Variants in DDX41 observed in about 807,000 individuals in gnomAD.
DDX41 encodes the protein DEAD-box helicase 41, also known as probable ATP-dependent RNA helicase DDX41.
A neutral mutation model predicts 78.8 loss-of-function variants in DDX41; 50 were observed. That is an observed-to-expected ratio of 0.63 (90% CI 0.51 to 0.80). The LOEUF is 0.80. DDX41 is among the 30% of genes least tolerant of loss of function. The probability of loss-of-function intolerance (pLI) is 0.00; values close to 1 mark genes in which losing one functional copy is unlikely to be tolerated. For synonymous variants in DDX41, 381 were observed against 321.5 expected, an observed-to-expected ratio of 1.19 and a Z score of -1.98; for missense variants, 633 against 849.2, an observed-to-expected ratio of 0.75 and a Z score of 3.16.
intron 6 of DDX41, 132 bp downstream of exon 6, chr5:177,515,553 C>G: frequency 1.7e-6 from 2 of 1,172,094 alleles, no homozygotes; most frequent in African/African-American, 1.5e-5. Context: ...CCTAAAGAAA[C>G]TCCTCCTCAA....
In DDX41 at chr5:177,513,712, G is replaced by A. The variant is rs1163798894; in HGVS notation, c.1071C>T (p.Asp357=). 1.9e-6 allele frequency: 3 copies of A among 1,613,514 alleles called. No individual in the cohort carries two copies. Among genetic ancestry groups the A allele is most frequent in the African/African-American group, 1.3e-5 (1 of 74,924 alleles). Residue 357 remains aspartate, a synonymous_variant, in exon 10 of 17, where the codon GAC becomes GAT. Coordinates refer to ENST00000330503, the MANE Select transcript of DDX41 (RefSeq NM_016222.4). The surrounding 1 kb of genome is among the most constrained non-coding windows in gnomAD (Gnocchi z 4.6). ...DRMIDMGFEG[D]IRTIFSYFKG... Reference sequence around the variant, plus strand: ...TGAAGTAGGAGAAGATGGTACGGATGTCACCCTCGAAGCCCATGTCGATCA... The same window carrying A: ...TGAAGTAGGAGAAGATGGTACGGATATCACCCTCGAAGCCCATGTCGATCA...
At position 177,513,664 on chromosome 5, in the gene DDX41, C is replaced by G; in HGVS notation, c.1098+21G>C. The G allele has an allele frequency of 6.2e-7, 1 of 1,612,608 alleles. No homozygotes were observed. The highest frequency in any genetic ancestry group is 8.5e-7 in the Non-Finnish European group (1 of 1,179,716). On this transcript the variant is annotated intron_variant, in intron 10 of 16. Coordinates refer to ENST00000330503, the MANE Select transcript of DDX41 (RefSeq NM_016222.4). The surrounding 1 kb of genome is among the most constrained non-coding windows in gnomAD (Gnocchi z 4.6). ...GCAGTGGGGGGCGGTGCAGGGTGCC[C>G]TGGCCGGGCGGGGGCGGCACCTTGA...
Position 177,515,566 on chromosome 5 carries a change from C to A in DDX41, c.571+119G>T, listed in dbSNP as rs1045171110. 4.7e-6 allele frequency: 6 copies of A among 1,279,762 alleles called. No homozygotes were observed. The East Asian group carries it at 1.4e-4, about 30-fold the overall frequency. 79.3% of individuals were successfully genotyped at this position (1,279,762 alleles called of 1,614,324 possible). A position where few individuals can be genotyped will look rare whatever the true frequency, so the allele number is the denominator to read the frequency against. On this transcript the variant is annotated intron_variant, in intron 6 of 16. Coordinates refer to ENST00000330503, the MANE Select transcript of DDX41 (RefSeq NM_016222.4). ...AACCTAAAGAAACTCCTCCTCAAAT[C>A]CCTCCAGCCCCAGTGACTGGATCCA...
rs568464531 is a variant in DDX41, at chr5:177,514,807, G to C, written c.829C>G (p.Leu277Val). ...TGCAGCAGGCGGCAGTAGTACTCCA[G>C]GATGCCATGGGTCTGCCGGGCCAGC... ...RELARQTHGILEYYCRLLQED... is the reference protein window; with the variant it reads ...RELARQTHGIVEYYCRLLQED... Residue 277 changes from leucine to valine, a missense_variant, in exon 9 of 17, where the codon CTG becomes GTG. This residue lies in a region of DDX41 where 151 missense variants were observed against 169.2 expected (regional missense o/e 0.89). Transcript: ENST00000330503. This position sits in a 1 kb window ranked among gnomAD's most constrained non-coding sequence, Gnocchi z 4.2. 3 of 1,612,662 alleles carry C rather than the reference G, an allele frequency of 1.9e-6. No homozygotes were observed. In the African/African-American group the frequency reaches 4.0e-5, roughly 21 times the overall value.
Position 177,514,911 on chromosome 5 carries a change from C to T in DDX41, c.798+5G>A. Reference sequence around the variant, plus strand: ...TGGCCTGCCCTCCAGGCCAGCCTATCTTACCGAGGGGCAGATGATGAGTCC... The same window carrying T: ...TGGCCTGCCCTCCAGGCCAGCCTATTTTACCGAGGGGCAGATGATGAGTCC... On this transcript the variant is annotated splice_donor_5th_base_variant and intron_variant, in intron 8 of 16. Transcript: ENST00000330503. The surrounding 1 kb of genome is among the most constrained non-coding windows in gnomAD (Gnocchi z 4.2). 1.9e-6 allele frequency: 3 copies of T among 1,603,360 alleles called. No homozygotes were observed. The highest frequency in any genetic ancestry group is 2.6e-6 in the Non-Finnish European group (3 of 1,171,322).
At chr5:177,515,522 T>G (rs759975307) in intron 6 of DDX41, 163 bp downstream of exon 6, 11 of 968,436 alleles carry the variant, frequency 1.1e-5, no homozygotes, top group African/African-American at 3.3e-5. Flanking sequence ...AATGAACACG[T>G]ACAGCTGAGG....
chr5:177,511,701 T>C lies in DDX41; in HGVS notation c.*90A>G. The C allele has an allele frequency of 1.9e-6, 3 of 1,551,328 alleles. No individual in the cohort carries two copies. The highest frequency in any genetic ancestry group is 2.3e-5 in the South Asian group (2 of 85,440). On this transcript the variant is annotated 3_prime_UTR_variant, in exon 17 of 17. Coordinates refer to ENST00000330503, the MANE Select transcript of DDX41 (RefSeq NM_016222.4). ...CCATCCCAGGCCAGCTGAGCTGAAATGCTGATTCTGTCCAGGGGGCTGCTG... is the reference window on the plus strand; with the variant it reads ...CCATCCCAGGCCAGCTGAGCTGAAACGCTGATTCTGTCCAGGGGGCTGCTG...
At position 177,516,832 on chromosome 5, in the gene DDX41, C is replaced by A; in HGVS notation, c.31G>T (p.Ala11Ser). The change falls in exon 2 of 17, where the codon GCT becomes TCT. Residue 11 changes from alanine (A) to serine (S), a missense_variant. By Grantham distance (99) the Ala-to-Ser change is moderately conservative (BLOSUM62 1). This residue lies in a region of DDX41 where 140 missense variants were observed against 115.2 expected (regional missense o/e 1.22). Transcript: ENST00000330503. Reference protein sequence around the residue: MEESEPERKRARTDEVPAGGS... With the variant: MEESEPERKRSRTDEVPAGGS... ...CCGGCAGGCACCTCGTCGGTGCGAGCCCGCTGCAAGCACACGCCAGTCAGG... is the reference window on the plus strand; with the variant it reads ...CCGGCAGGCACCTCGTCGGTGCGAGACCGCTGCAAGCACACGCCAGTCAGG... 1 of 1,612,800 alleles carries A rather than the reference C, an allele frequency of 6.2e-7. No homozygotes were observed. The highest frequency in any genetic ancestry group is 8.5e-7 in the Non-Finnish European group (1 of 1,179,892).
chr5:177,514,961 G>C lies in DDX41; in HGVS notation c.753C>G (p.Pro251=). The change falls in exon 8 of 17, where the codon CCC becomes CCG. Residue 251 remains proline (P), a synonymous_variant. Transcript: ENST00000330503. This position sits in a 1 kb window ranked among gnomAD's most constrained non-coding sequence, Gnocchi z 4.2. ...MFCLEQEKRL[P]FSKREGPYGL... ...CATAGGGCCCCTCGCGCTTTGAGAA[G>C]GGTAACCTCTTCTCTTGTTCCAGGC... 2 of 1,613,288 alleles carry C rather than the reference G, an allele frequency of 1.2e-6. No individual in the cohort carries two copies. Among genetic ancestry groups the C allele is most frequent in the Non-Finnish European group, 1.7e-6 (2 of 1,179,480 alleles).
chr5:177,516,773 G>C lies in DDX41; in HGVS notation c.90C>G (p.Asp30Glu), dbSNP rs377090308. ...GSRSEAEDED[D>E]EDYVPYVPLR... The stretch of plus-strand genomic sequence containing the variant: ...ACGGCACATAGGGCACGTAGTCCTC[G>C]TCGTCCTCATCTTCCGCCTCGGAGC... The change falls in exon 2 of 17, where the codon GAC becomes GAG. Residue 30 changes from aspartate to glutamate, a missense_variant. Transcript: ENST00000330503. The C allele has an allele frequency of 6.2e-7, 1 of 1,612,190 alleles. No individual in the cohort carries two copies. The highest frequency in any genetic ancestry group is 1.1e-5 in the South Asian group (1 of 90,956).
Position 177,514,694 on chromosome 5 carries a change from C to A in DDX41, c.935+7G>T. On this transcript the variant is annotated splice_region_variant and intron_variant, in intron 9 of 16. Coordinates refer to ENST00000330503, the MANE Select transcript of DDX41 (RefSeq NM_016222.4). This position sits in a 1 kb window ranked among gnomAD's most constrained non-coding sequence, Gnocchi z 4.2. ...AGAGGTGGGGGGCAGGGAGCGCCAG[C>A]ACTCACTGTCGGATGGTCTCCATCT... 1 of 1,606,452 alleles carries A rather than the reference C, an allele frequency of 6.2e-7. No homozygotes were observed. The highest frequency in any genetic ancestry group is 8.5e-7 in the Non-Finnish European group (1 of 1,175,566).
intron 2 of DDX41, 27 bp downstream of exon 2, chr5:177,516,698 A>G: frequency 3.2e-6 from 5 of 1,563,470 alleles, no homozygotes; most frequent in Non-Finnish European, 4.3e-6. Context: ...TCACGGCCCC[A>G]TCCCTCCCCG....
chr5:177,514,109 G>A lies in DDX41; in HGVS notation c.936-262C>T, dbSNP rs936341806. 2.7e-5 allele frequency: 17 copies of A among 641,234 alleles called. No individual in the cohort carries two copies. The East Asian group carries it at 5.3e-4, about 20-fold the overall frequency. The allele number at this position is 641,234 out of a possible 1,614,324, so 39.7% of individuals were successfully genotyped here. A position where few individuals can be genotyped will look rare whatever the true frequency, so the allele number is the denominator to read the frequency against. Reference sequence around the variant, plus strand: ...TCTCACCCAGAAGCGCTGTCATCAAGCTCCAGAGGCTTTACTCTGGGCTCG... The same window carrying A: ...TCTCACCCAGAAGCGCTGTCATCAAACTCCAGAGGCTTTACTCTGGGCTCG... On this transcript the variant is annotated intron_variant, in intron 9 of 16. Transcript: ENST00000330503. This position sits in a 1 kb window ranked among gnomAD's most constrained non-coding sequence, Gnocchi z 4.2.
chr5:177,511,669 G>A lies in DDX41; in HGVS notation c.*122C>T. ...CACAGGGAACAGGCAGCCAGGACCA[G>A]CCTGGCCCATCCCAGGCCAGCTGAG... On this transcript the variant is annotated 3_prime_UTR_variant, in exon 17 of 17. Transcript: ENST00000330503. 1 of 1,356,746 alleles carries A rather than the reference G, an allele frequency of 7.4e-7. No individual in the cohort carries two copies. Among genetic ancestry groups the A allele is most frequent in the Non-Finnish European group, 1.0e-6 (1 of 971,846 alleles). The allele number at this position is 1,356,746 out of a possible 1,614,324, so 84.0% of individuals were successfully genotyped here. A position where few individuals can be genotyped will look rare whatever the true frequency, so the allele number is the denominator to read the frequency against.
At position 177,516,200 on chromosome 5, in the gene DDX41, A is replaced by G; in HGVS notation, c.299-7T>C. ...TTGGCAGACTCTTTGCGCGCTGAGA[A>G]AAGAAGTGGAAGATGTCAGACAGAT... is the stretch of plus-strand genomic sequence containing the variant. On this transcript the variant is annotated splice_region_variant and splice_polypyrimidine_tract_variant and intron_variant, in intron 3 of 16. Coordinates refer to ENST00000330503, the MANE Select transcript of DDX41 (RefSeq NM_016222.4). The G allele has an allele frequency of 1.2e-6, 2 of 1,614,086 alleles. No homozygotes were observed. The highest frequency in any genetic ancestry group is 1.7e-6 in the Non-Finnish European group (2 of 1,180,030).
Position 177,514,571 on chromosome 5 carries a change from A to T in DDX41, c.935+130T>A, listed in dbSNP as rs1330080136. ...CAACTAACCTCCCCATTAGACTGGG[A>T]GCTCCTTGAGGGTCGCACTCACAGC... On this transcript the variant is annotated intron_variant, in intron 9 of 16. Coordinates refer to ENST00000330503, the MANE Select transcript of DDX41 (RefSeq NM_016222.4). The surrounding 1 kb of genome is among the most constrained non-coding windows in gnomAD (Gnocchi z 4.2). 8.5e-6 allele frequency: 11 copies of T among 1,290,070 alleles called. No homozygotes were observed. Among genetic ancestry groups the T allele is most frequent in the African/African-American group, 1.5e-5 (1 of 67,606 alleles). 79.9% of individuals were successfully genotyped at this position (1,290,070 alleles called of 1,614,324 possible).
Position 177,513,324 on chromosome 5 carries a change from G to C in DDX41, c.1230+29C>G. 6.2e-7 allele frequency: 1 copy of C among 1,613,778 alleles called. No individual in the cohort carries two copies. Among genetic ancestry groups the C allele is most frequent in the Non-Finnish European group, 8.5e-7 (1 of 1,179,952 alleles). ...TGTCAGATCCAGCCCCCACAGGTGA[G>C]AGACCGCCCATCAGGAGCACCTGCC... On this transcript the variant is annotated intron_variant, in intron 11 of 16. Coordinates refer to ENST00000330503, the MANE Select transcript of DDX41 (RefSeq NM_016222.4). The surrounding 1 kb of genome is among the most constrained non-coding windows in gnomAD (Gnocchi z 4.6).
At position 177,513,958 on chromosome 5, in the gene DDX41, G is replaced by T; in HGVS notation, c.936-111C>A. 1 of 1,119,722 alleles carries T rather than the reference G, an allele frequency of 8.9e-7. No individual in the cohort carries two copies. The highest frequency in any genetic ancestry group is 1.3e-6 in the Non-Finnish European group (1 of 764,370). The allele number at this position is 1,119,722 out of a possible 1,614,324, so 69.4% of individuals were successfully genotyped here. A position where few individuals can be genotyped will look rare whatever the true frequency, so the allele number is the denominator to read the frequency against. On this transcript the variant is annotated intron_variant, in intron 9 of 16. Transcript: ENST00000330503. This position sits in a 1 kb window ranked among gnomAD's most constrained non-coding sequence, Gnocchi z 4.6. ...TCTCTGTCCTCCTTCCTATTTCTTT[G>T]TCTGTCCCCTTCTCATCATTCCCAC...
chr5:177,514,106 C>A lies in DDX41; in HGVS notation c.936-259G>T. 1.5e-6 allele frequency: 1 copy of A among 647,450 alleles called. No individual in the cohort carries two copies. Among genetic ancestry groups the A allele is most frequent in the Admixed American group, 2.1e-5 (1 of 48,088 alleles). 40.1% of individuals were successfully genotyped at this position (647,450 alleles called of 1,614,324 possible). A position where few individuals can be genotyped will look rare whatever the true frequency, so the allele number is the denominator to read the frequency against. On this transcript the variant is annotated intron_variant, in intron 9 of 16. Coordinates refer to ENST00000330503, the MANE Select transcript of DDX41 (RefSeq NM_016222.4). This position sits in a 1 kb window ranked among gnomAD's most constrained non-coding sequence, Gnocchi z 4.2. ...GCCTCTCACCCAGAAGCGCTGTCAT[C>A]AAGCTCCAGAGGCTTTACTCTGGGC...
Sources: allele counts gnomAD v4.1 joint callset, GRCh38; gene constraint gnomAD v4.1.1; regional missense constraint gnomAD v4.1.1; non-coding constraint Gnocchi (gnomAD v3.1); transcripts MANE v1.5; gene names NCBI Gene and HGNC (gene_info 2026-07-23, HGNC 2026-07-21).